STXBP5L: variants seen among roughly 807,000 people sequenced by gnomAD.
STXBP5L encodes syntaxin-binding protein 5-like.
STXBP5L carries 65 observed loss-of-function variants against 144.5 expected under a neutral mutation model. The ratio of observed to expected loss-of-function variants is 0.45; its 90% CI spans 0.37 to 0.55. The LOEUF (loss-of-function observed/expected upper bound fraction) is 0.55, where lower values mean the gene tolerates loss of function less well. Among genes scored for constraint, STXBP5L ranks in the 20% least tolerant of loss-of-function variants. STXBP5L has a pLI of 0.00. For missense variants in STXBP5L, 1,298 were observed against 1,405.5 expected, an observed-to-expected ratio of 0.92 and a Z score of 1.22; for synonymous variants, 505 against 469.6, an observed-to-expected ratio of 1.08 and a Z score of -0.97.
chr3:121,210,441 C>T (rs1430487819), intron 10 of STXBP5L, among the ~76,000 whole-genome samples: 1 of 151,976 alleles, frequency 6.6e-6, no homozygotes, highest in African/African-American at 2.4e-5. Context: ...TTAATTAGAT[C>T]CCATTTGTCA....
chr3:121,012,050 A>C lies in STXBP5L; in HGVS notation c.288-29650A>C, dbSNP rs563692182. Among the ~76,000 whole-genome samples, 4 of 152,068 alleles carry C rather than the reference A, an allele frequency of 2.6e-5. No individual in the cohort carries two copies. In the South Asian group the frequency reaches 6.2e-4, roughly 24 times the overall value. ...TAGATTTCCTTATTGTGGAAATTTT[A>C]TATAAATGAAATCATGCCATATGTA... is the stretch of plus-strand genomic sequence containing the variant. On this transcript the variant is annotated intron_variant, in intron 3 of 26. Coordinates refer to ENST00000471454, the MANE Select transcript of STXBP5L (RefSeq NM_001308330.2).
At chr3:121,191,384 T>G (rs2047675270) in intron 9 of STXBP5L, among the ~76,000 whole-genome samples, 2 of 152,044 alleles carry the variant, frequency 1.3e-5, no homozygotes, top group East Asian at 1.9e-4. Flanking sequence ...CCAAAAAATA[T>G]GAAAACCAGT....
chr3:121,205,447 T>G (rs191151277), intron 9 of STXBP5L, among the ~76,000 whole-genome samples: 7 of 152,346 alleles, frequency 4.6e-5, no homozygotes, highest in Admixed American at 4.6e-4. Flanking sequence ...AAAGCCCCCA[T>G]GTCCTAATCA....
At chr3:120,924,534 A>G (rs1293187420) in intron 2 of STXBP5L, 1 of 152,440 alleles carries the variant, frequency 6.6e-6, no homozygotes, top group African/African-American at 2.4e-5. Flanking sequence ...AAAATGTCAG[A>G]GACAATTACA....
chr3:120,990,994 C>G (rs1306376706), intron 3 of STXBP5L, among the ~76,000 whole-genome samples: 3 of 152,148 alleles, frequency 2.0e-5, no homozygotes, highest in Non-Finnish European at 2.9e-5. Flanking sequence ...TCTAATTAAA[C>G]TAAAGAGCTT....
intron 5 of STXBP5L, among the ~76,000 whole-genome samples, chr3:121,055,495 T>C (rs1026898253): frequency 2.4e-4 from 37 of 152,020 alleles, no homozygotes; most frequent in African/African-American, 8.7e-4. Flanking sequence ...AGGCTTTCAT[T>C]ATTATTATTA....
At chr3:121,092,379 G>A (rs1190597443) in intron 5 of STXBP5L, among the ~76,000 whole-genome samples, 10 of 152,010 alleles carry the variant, frequency 6.6e-5, no homozygotes, top group African/African-American at 1.7e-4. Flanking sequence ...CCATTTTCAC[G>A]ATATTGATTC....
intron 7 of STXBP5L, among the ~76,000 whole-genome samples, chr3:121,140,625 TA>T (rs1213114922): frequency 6.6e-6 from 1 of 152,090 alleles, no homozygotes; most frequent in African/African-American, 2.4e-5. Flanking sequence ...TTAAGGGAAA[TA>T]AGCCAGAAAC....
At chr3:121,155,731 T>C (rs1445251625) in intron 8 of STXBP5L, among the ~76,000 whole-genome samples, 2 of 151,860 alleles carry the variant, frequency 1.3e-5, no homozygotes, top group African/African-American at 4.8e-5. Flanking sequence ...TAATGCACTA[T>C]ATGAGACCCT....
chr3:121,221,874 T>TA lies in STXBP5L; in HGVS notation c.957-1119dup, dbSNP rs879609263. ...ATGTATGTTTGTATAGAAGCTTTGTTAAAAAAAAAACCCTTTTTGGTTATA... is the reference window on the plus strand; with the variant it reads ...ATGTATGTTTGTATAGAAGCTTTGTTAAAAAAAAAAACCCTTTTTGGTTATA... On this transcript the variant is annotated intron_variant, in intron 10 of 26. Coordinates refer to ENST00000471454, the MANE Select transcript of STXBP5L (RefSeq NM_001308330.2). 2.7e-3 allele frequency among the ~76,000 whole-genome samples: 395 copies of TA among 147,694 alleles called. 1 individual carries two copies. The highest frequency in any genetic ancestry group is 0.01 in the Middle Eastern group (3 of 290).
At chr3:121,328,460 G>C (rs1240336703) in intron 20 of STXBP5L, among the ~76,000 whole-genome samples, 3 of 152,102 alleles carry the variant, frequency 2.0e-5, no homozygotes, top group African/African-American at 4.8e-5. Flanking sequence ...TAAAAACTAG[G>C]CTTCACGGCT....
intron 4 of STXBP5L, among the ~76,000 whole-genome samples, chr3:121,045,120 C>T (rs1947423498): frequency 6.6e-6 from 1 of 152,172 alleles, no homozygotes; most frequent in East Asian, 1.9e-4. Flanking sequence ...AAAACCATCC[C>T]TAAACTATTT....
chr3:121,008,275 A>G (rs563958203), intron 3 of STXBP5L, among the ~76,000 whole-genome samples: 1 of 151,984 alleles, frequency 6.6e-6, no homozygotes, highest in Non-Finnish European at 1.5e-5. Context: ...ATAATAACTC[A>G]TTCCTTTGCC....
intron 5 of STXBP5L, among the ~76,000 whole-genome samples, chr3:121,101,648 A>G (rs1417874449): frequency 6.6e-6 from 1 of 152,094 alleles, no homozygotes; most frequent in South Asian, 2.1e-4. Context: ...CAAAAGCTGA[A>G]AGCATTCCCC....
chr3:120,958,162 A>G (rs1003094706), intron 3 of STXBP5L, among the ~76,000 whole-genome samples: 1 of 152,236 alleles, frequency 6.6e-6, no homozygotes, highest in Non-Finnish European at 1.5e-5. Context: ...ATCTAGAAGA[A>G]ATGGATAAAT....
At position 121,318,424 on chromosome 3, in the gene STXBP5L, C is replaced by A. The variant is rs770625657; in HGVS notation, c.2111-51C>A. ...TGTAGGAATTAAGAAATAAGAATAA[C>A]CTACAAAATGCTAGCAAAATTTATC... On this transcript the variant is annotated intron_variant, in intron 19 of 26. Coordinates refer to ENST00000471454, the MANE Select transcript of STXBP5L (RefSeq NM_001308330.2). 7 of 1,418,446 alleles carry A rather than the reference C, an allele frequency of 4.9e-6. No individual in the cohort carries two copies. The East Asian group carries it at 7.8e-5, about 16-fold the overall frequency. The allele number at this position is 1,418,446 out of a possible 1,614,324, so 87.9% of individuals were successfully genotyped here.
intron 5 of STXBP5L, among the ~76,000 whole-genome samples, chr3:121,054,940 A>T (rs1021995171): frequency 6.6e-6 from 1 of 152,098 alleles, no homozygotes; most frequent in Non-Finnish European, 1.5e-5. Context: ...TGGAATGTTG[A>T]AGGCAATGTT....
chr3:121,283,308 G>A (rs1226888664), intron 19 of STXBP5L, among the ~76,000 whole-genome samples: 4 of 151,904 alleles, frequency 2.6e-5, no homozygotes, highest in Non-Finnish European at 5.9e-5. Flanking sequence ...GCTTACAAAA[G>A]TCAGTCTCTA....
At chr3:121,357,616 A>G (rs114241615) in intron 20 of STXBP5L, 1 of 152,176 alleles carries the variant, frequency 6.6e-6, no homozygotes, top group Non-Finnish European at 1.5e-5. Flanking sequence ...CATGTTCTTT[A>G]CTGATGCTTC....
Sources: allele counts gnomAD v4.1 joint callset (sites outside exome capture counted in the v4.1 genomes callset), GRCh38; gene constraint gnomAD v4.1.1; transcripts MANE v1.5; gene names NCBI Gene and HGNC (gene_info 2026-07-23, HGNC 2026-07-21).